The following TEX9 variants were observed in gnomAD, a reference collection of about 807,000 sequenced individuals.
The protein encoded by TEX9 is testis expressed 9, also known as testis-expressed protein 9.
Under a neutral mutation model 59.6 loss-of-function variants are expected in TEX9, and 74 were observed. The observed-to-expected ratio is 1.24, with a 90% confidence interval of 1.03 to 1.51. The LOEUF is 1.51. TEX9 is among the 40% of genes most tolerant of loss of function. The pLI, the probability that TEX9 is intolerant of heterozygous loss-of-function variation, is 0.00. For missense variants in TEX9, 522 were observed against 447.8 expected (o/e 1.17, Z -1.49); for synonymous variants, 186 against 152.2 (o/e 1.22, Z -1.64).
intron 1 of TEX9, among the ~76,000 whole-genome samples, chr15:56,287,937 A>T (rs747076827): frequency 6.6e-5 from 10 of 152,204 alleles, no homozygotes; most frequent in Admixed American, 1.3e-4. Flanking sequence ...ACACTTAGGT[A>T]GATTCAATAT....
chr15:56,298,214 C>T (rs1295227146), intron 1 of TEX9, among the ~76,000 whole-genome samples: 2 of 152,182 alleles, frequency 1.3e-5, no homozygotes, highest in African/African-American at 4.8e-5. Context: ...TTCTAGACCA[C>T]TTCTATCAAC....
At chr15:56,301,374 A>G (rs2045356998) in intron 1 of TEX9, among the ~76,000 whole-genome samples, 1 of 152,112 alleles carries the variant, frequency 6.6e-6, no homozygotes, top group Admixed American at 6.5e-5. Flanking sequence ...AGAGTTATTA[A>G]CTTTGAAGAA....
At chr15:56,266,608 A>G (rs1289872309) in intron 1 of TEX9, among the ~76,000 whole-genome samples, 3 of 151,812 alleles carry the variant, frequency 2.0e-5, no homozygotes, top group Non-Finnish European at 4.4e-5. Context: ...TACTTTGCTC[A>G]GAATGATGGT....
intron 2 of TEX9, among the ~76,000 whole-genome samples, chr15:56,371,444 A>G (rs1183802287): frequency 6.8e-6 from 1 of 147,970 alleles, no homozygotes; most frequent in Non-Finnish European, 1.5e-5. Flanking sequence ...GCTCTTGCCT[A>G]ATGTTTTTCT....
At chr15:56,400,024 G>A (rs1421350786) in intron 9 of TEX9, among the ~76,000 whole-genome samples, 2 of 152,162 alleles carry the variant, frequency 1.3e-5, no homozygotes, top group African/African-American at 4.8e-5. Flanking sequence ...CACAAAGATG[G>A]GGAGAAACCA....
intron 1 of TEX9, among the ~76,000 whole-genome samples, chr15:56,247,017 T>C (rs1442561061): frequency 6.6e-5 from 10 of 152,218 alleles, no homozygotes; most frequent in African/African-American, 2.4e-4. Flanking sequence ...GACTATTTTA[T>C]TTATCCTAGT....
At chr15:56,415,205 CATTTATTT>C (rs1379533055) in intron 10 of TEX9, among the ~76,000 whole-genome samples, 1 of 150,852 alleles carries the variant, frequency 6.6e-6, no homozygotes, top group Non-Finnish European at 1.5e-5. Context: ...CTCTGCCGAT[CATTTATTT>C]TTCTGTGCAG....
At chr15:56,394,797 A>G (rs1270413655) in exon 9 of TEX9, 1 of 1,612,980 alleles carries the variant, frequency 6.2e-7, no homozygotes, top group Admixed American at 1.7e-5. Context: ...AACAAAAAGT[A>G]TGATGGATTA....
chr15:56,423,359 A>G (rs1225309907), intron 10 of TEX9, among the ~76,000 whole-genome samples: 4 of 152,116 alleles, frequency 2.6e-5, no homozygotes, highest in Non-Finnish European at 4.4e-5. Context: ...TGTTTTGTTC[A>G]ATCCCCACAT....
chr15:56,324,462 A>G (rs1274835294), intron 1 of TEX9, among the ~76,000 whole-genome samples: 2 of 152,238 alleles, frequency 1.3e-5, no homozygotes, highest in Non-Finnish European at 2.9e-5. Flanking sequence ...AAAGGCTCAC[A>G]TTCCACAGGG....
chr15:56,309,693 G>GTTTTTTTTTTTTTTTTTTTTTTTT (rs60648387), intron 1 of TEX9, among the ~76,000 whole-genome samples: 1 of 60,786 alleles, frequency 1.6e-5, no homozygotes, highest in African/African-American at 7.3e-5. Context: ...TTTATGGGAA[G>GTTTTTTTTTTTTTTTTTTTTTTTT]TTTTTTTTTT....
intron 10 of TEX9, among the ~76,000 whole-genome samples, chr15:56,426,620 T>TACACACACACACAC (rs2050279973): frequency 1.8e-5 from 1 of 54,918 alleles, no homozygotes; most frequent in Non-Finnish European, 4.0e-5. Flanking sequence ...TATATATATA[T>TACACACACACACAC]ATATATACAC....
At chr15:56,349,786 CATAT>C (rs1296049887) in intron 1 of TEX9, among the ~76,000 whole-genome samples, 4 of 149,934 alleles carry the variant, frequency 2.7e-5, no homozygotes, top group African/African-American at 7.5e-5. Flanking sequence ...CTTGTGAGTG[CATAT>C]ATATATGTAT....
At chr15:56,406,342 TTATC>T (rs1426611465) in intron 9 of TEX9, among the ~76,000 whole-genome samples, 1 of 152,212 alleles carries the variant, frequency 6.6e-6, no homozygotes. Context: ...CATATTTTGT[TTATC>T]TGATCACCAG....
At chr15:56,410,883 C>T (rs1315264163) in intron 9 of TEX9, among the ~76,000 whole-genome samples, 1 of 152,192 alleles carries the variant, frequency 6.6e-6, no homozygotes, top group African/African-American at 2.4e-5. Flanking sequence ...CTAGCTCTTC[C>T]TGTAGCTACC....
intron 12 of TEX9, chr15:56,429,595 T>A (rs544894324): frequency 6.5e-6 from 1 of 153,670 alleles, no homozygotes; most frequent in African/African-American, 2.4e-5. Flanking sequence ...CATGCCTCAG[T>A]TCTATGGCTA....
intron 3 of TEX9, among the ~76,000 whole-genome samples, chr15:56,375,341 T>G (rs1163621255): frequency 6.6e-6 from 1 of 152,210 alleles, no homozygotes; most frequent in East Asian, 1.9e-4. Flanking sequence ...TCATTTCCTT[T>G]GCCCACTTTT....
chr15:56,292,941 C>T (rs547816657), intron 1 of TEX9, among the ~76,000 whole-genome samples: 76 of 152,298 alleles, frequency 5.0e-4, no homozygotes, highest in African/African-American at 1.8e-3. Flanking sequence ...ATCCTGCTTC[C>T]CTCATATCCT....
At chr15:56,353,938 G>A (rs1327094701) in intron 1 of TEX9, among the ~76,000 whole-genome samples, 1 of 152,090 alleles carries the variant, frequency 6.6e-6, no homozygotes, top group Non-Finnish European at 1.5e-5. Flanking sequence ...TTTCCAGTCT[G>A]CCTATTGCTC....
Sources: gnomAD v4.1 joint callset for allele counts (sites outside exome capture counted in the v4.1 genomes callset) on GRCh38, gnomAD v4.1.1 for gene constraint, MANE v1.5 for transcripts, NCBI Gene and HGNC (gene_info 2026-07-23, HGNC 2026-07-21) for gene names.